GOLGA2: variants seen among roughly 807,000 people sequenced by gnomAD.
GOLGA2 encodes the protein golgin subfamily A member 2.
Under a neutral mutation model 148.8 loss-of-function variants are expected in GOLGA2, and 49 were observed. The ratio of observed to expected loss-of-function variants is 0.33; its 90% CI spans 0.26 to 0.42. The LOEUF is 0.42. Ranked by LOEUF, GOLGA2 falls within the 10% of genes least tolerant of loss-of-function variation. The pLI, the probability that GOLGA2 is intolerant of heterozygous loss-of-function variation, is 1.00. For synonymous variants in GOLGA2, 501 were observed against 511.8 expected (o/e 0.98, Z 0.28); for missense variants, 1,178 against 1,304.6 (o/e 0.90, Z 1.49).
In GOLGA2 at chr9:128,261,802, C is replaced by T. The variant is rs530977802; in HGVS notation, c.1135-45G>A. On this transcript the variant is annotated intron_variant, in intron 14 of 26. Transcript: ENST00000611957. The surrounding 1 kb of genome is among the most constrained non-coding windows in gnomAD (Gnocchi z 5.7). The stretch of plus-strand genomic sequence containing the variant: ...AAGTTTAGATCTGGGGAGCCCAGGC[C>T]GTTCCAAATAGTGCCCCTTAAAAGG... The T allele has an allele frequency of 1.1e-5, 15 of 1,317,328 alleles. No individual in the cohort carries two copies. The highest frequency in any genetic ancestry group is 1.4e-5 in the Non-Finnish European group (13 of 909,296). 81.6% of individuals were successfully genotyped at this position (1,317,328 alleles called of 1,614,324 possible). A position where few individuals can be genotyped will look rare whatever the true frequency, so the allele number is the denominator to read the frequency against.
In GOLGA2 at chr9:128,261,090, C is replaced by G; in HGVS notation, c.1420+82G>C. The G allele has an allele frequency of 1.1e-6, 1 of 952,116 alleles. No homozygotes were observed. The highest frequency in any genetic ancestry group is 1.7e-6 in the Non-Finnish European group (1 of 579,366). The allele number at this position is 952,116 out of a possible 1,614,324, so 59.0% of individuals were successfully genotyped here. ...TCTGCCTCAAAGCCATTCCATCCAC[C>G]CAACTCCCTGGGGCATTCTAAACCA... On this transcript the variant is annotated intron_variant, in intron 17 of 26. Transcript: ENST00000611957. This position sits in a 1 kb window ranked among gnomAD's most constrained non-coding sequence, Gnocchi z 5.7.
rs964172615 is a variant in GOLGA2 at position 128,257,187 on chromosome 9, G to A, written c.2970C>T (p.Ile990=). 2 of 1,613,840 alleles carry A rather than the reference G, an allele frequency of 1.2e-6. No homozygotes were observed. The highest frequency in any genetic ancestry group is 1.7e-6 in the Non-Finnish European group (2 of 1,179,744). Reference sequence around the variant, plus strand: ...TCTGCATCTCACGAAGCAGCTGCATGATCTGCTGTGCAGTGGGGTTGTCAC... The same window carrying A: ...TCTGCATCTCACGAAGCAGCTGCATAATCTGCTGTGCAGTGGGGTTGTCAC... ...SPRDNPTAQQ[I]MQLLREMQNP... The change falls in exon 27 of 27, where the codon ATC becomes ATT. Residue 990 remains isoleucine, a synonymous_variant. Coordinates refer to ENST00000611957, the MANE Select transcript of GOLGA2 (RefSeq NM_001366244.2). The surrounding 1 kb of genome is among the most constrained non-coding windows in gnomAD (Gnocchi z 8.0).
At chr9:128,263,144 G>T in intron 12 of GOLGA2, 52 bp from the exon 13 acceptor site, 1 of 1,123,986 alleles carries the variant, frequency 8.9e-7, no homozygotes, top group Non-Finnish European at 1.4e-6. Context: ...GGAGCAGCTG[G>T]CCAACCAGTA....
Position 128,258,804 on chromosome 9 carries a change from G to T in GOLGA2, c.2173+203C>A. On this transcript the variant is annotated intron_variant, in intron 21 of 26. Transcript: ENST00000611957. The surrounding 1 kb of genome is among the most constrained non-coding windows in gnomAD (Gnocchi z 6.6). ...TCTGACCTGCTTCATTTCTGACCTGGGCCAGTTCACCCATCCTTAGGTAAG... is the reference window on the plus strand; with the variant it reads ...TCTGACCTGCTTCATTTCTGACCTGTGCCAGTTCACCCATCCTTAGGTAAG... 1.6e-6 allele frequency: 1 copy of T among 619,994 alleles called. No homozygotes were observed. The highest frequency in any genetic ancestry group is 2.8e-6 in the Non-Finnish European group (1 of 352,072). 38.4% of individuals were successfully genotyped at this position (619,994 alleles called of 1,614,324 possible).
chr9:128,262,495 G>C, intron 14 of GOLGA2, 68 bp downstream of exon 14: 2 of 1,483,126 alleles, frequency 1.3e-6, no homozygotes, highest in Non-Finnish European at 1.8e-6. Flanking sequence ...CCCATGCCCT[G>C]CATGATCCCT....
intron 8 of GOLGA2, 40 bp downstream of exon 8, chr9:128,267,154 A>G (rs1389771974): frequency 7.9e-7 from 1 of 1,264,264 alleles, no homozygotes; most frequent in African/African-American, 1.5e-5. Context: ...GGAGCCCAGG[A>G]TTAGCAGCAT....
At chr9:128,263,161 G>A in intron 12 of GOLGA2, 69 bp from the exon 13 acceptor site, 1 of 867,920 alleles carries the variant, frequency 1.2e-6, no homozygotes, top group Non-Finnish European at 2.0e-6. Flanking sequence ...AGTAACAACA[G>A]CTACAGTAAG....
In GOLGA2 at chr9:128,273,819, G is replaced by C. The variant is rs200745184; in HGVS notation, c.207+31C>G. ...CCCTCTACTGCCCCTTGGGCCCCCT[G>C]TCCCCAGGAGCCTGGCCATCCAAGA... On this transcript the variant is annotated intron_variant, in intron 2 of 26. Coordinates refer to ENST00000611957, the MANE Select transcript of GOLGA2 (RefSeq NM_001366244.2). 2.7e-3 allele frequency: 4,408 copies of C among 1,611,788 alleles called. 10 individuals are homozygous for C. Among genetic ancestry groups the C allele is most frequent in the Non-Finnish European group, 3.4e-3 (3,948 of 1,178,308 alleles).
intron 19 of GOLGA2, 67 bp from the exon 20 acceptor site, chr9:128,259,458 G>A: frequency 2.0e-6 from 2 of 1,005,306 alleles, no homozygotes; most frequent in Non-Finnish European, 3.0e-6. Flanking sequence ...CCATAAATAG[G>A]GTAGCGAGGG....
intron 3 of GOLGA2, among the ~76,000 whole-genome samples, chr9:128,272,080 G>C (rs1410845369): frequency 6.8e-6 from 1 of 146,736 alleles, no homozygotes; most frequent in Non-Finnish European, 1.5e-5. Context: ...GTGGTTTACT[G>C]ATCTTTGCCT....
At chr9:128,268,334 C>G in intron 4 of GOLGA2, 86 bp downstream of exon 4, 1 of 1,045,292 alleles carries the variant, frequency 9.6e-7, no homozygotes, top group Admixed American at 1.7e-5. Context: ...GGCCCTTGAC[C>G]CTAGGGAACA....
In GOLGA2 at chr9:128,257,181, C is replaced by T. The variant is rs1829922596; in HGVS notation, c.2976G>A (p.Gln992=). The T allele has an allele frequency of 6.2e-7, 1 of 1,613,902 alleles. No homozygotes were observed. The highest frequency in any genetic ancestry group is 8.5e-7 in the Non-Finnish European group (1 of 1,179,796). ...GGGGGTTCTGCATCTCACGAAGCAG[C>T]TGCATGATCTGCTGTGCAGTGGGGT... is the stretch of plus-strand genomic sequence containing the variant. The part of the protein sequence containing the change: ...RDNPTAQQIM[Q]LLREMQNPRE... Residue 992 remains glutamine (Q), a synonymous_variant, in exon 27 of 27, where the codon CAG becomes CAA. Coordinates refer to ENST00000611957, the MANE Select transcript of GOLGA2 (RefSeq NM_001366244.2). The surrounding 1 kb of genome is among the most constrained non-coding windows in gnomAD (Gnocchi z 8.0).
chr9:128,267,939 A>G lies in GOLGA2; in HGVS notation c.496T>C (p.Cys166Arg), dbSNP rs2131371773. 1.9e-6 allele frequency: 3 copies of G among 1,612,092 alleles called. No individual in the cohort carries two copies. The highest frequency in any genetic ancestry group is 2.5e-6 in the Non-Finnish European group (3 of 1,178,358). Residue 166 changes from cysteine (C) to arginine (R), a missense_variant, in exon 6 of 27, where the codon TGT (cysteine) becomes CGT (arginine). By Grantham distance (180) the Cys-to-Arg change is radical. Around this residue, in one of 5 missense-constraint regions of GOLGA2, gnomAD observed 304 missense variants for 404.1 expected, o/e 0.75. Transcript: ENST00000611957. ...QLSQQLNGLVCESATCVNGEG... is the reference protein window; with the variant it reads ...QLSQQLNGLVRESATCVNGEG... ...GGCCTCAGTTCCTGAGGTACCTCAC[A>G]AACAAGACCATTGAGCTGTTGGGAG...
At position 128,256,220 on chromosome 9, in the gene GOLGA2, C is replaced by T. The variant is rs1829851997; in HGVS notation, c.*847G>A. ...TGGTGAGAGTAAGGAGGCCATGAGGCCTCTTCCAAAGAGGCCAATTATATG... is the reference window on the plus strand; with the variant it reads ...TGGTGAGAGTAAGGAGGCCATGAGGTCTCTTCCAAAGAGGCCAATTATATG... On this transcript the variant is annotated 3_prime_UTR_variant, in exon 27 of 27. Coordinates refer to ENST00000611957, the MANE Select transcript of GOLGA2 (RefSeq NM_001366244.2). The T allele has an allele frequency of 6.6e-6, 1 of 152,388 alleles. No individual in the cohort carries two copies. Among genetic ancestry groups the T allele is most frequent in the Non-Finnish European group, 1.5e-5 (1 of 68,044 alleles). The allele number at this position is 152,388 out of a possible 1,614,324, so 9.4% of individuals were successfully genotyped here.
rs759144089 is a variant in GOLGA2, at chr9:128,260,748, A to G, written c.1475T>C (p.Leu492Pro). ...PAGPSEVEQQ[L>P]QAEAEHLRKE... ...CCGCAGGTGCTCAGCCTCCGCTTGT[A>G]GCTGCTGCTCCACCTCGGAGGGCCC... The change falls in exon 18 of 27, where the codon CTA (leucine) becomes CCA (proline). Residue 492 changes from leucine (L) to proline (P), a missense_variant. Physicochemically the swap from Leu to Pro is moderately conservative, Grantham distance 98. Transcript: ENST00000611957. The surrounding 1 kb of genome is among the most constrained non-coding windows in gnomAD (Gnocchi z 4.8). 8 of 1,612,940 alleles carry G rather than the reference A, an allele frequency of 5.0e-6. No individual in the cohort carries two copies. In the East Asian group the frequency reaches 1.8e-4, roughly 36 times the overall value.
intron 12 of GOLGA2, 77 bp downstream of exon 12, chr9:128,265,508 G>A: frequency 9.3e-7 from 1 of 1,078,612 alleles, no homozygotes; most frequent in Middle Eastern, 2.0e-4. Flanking sequence ...AGTCAACCCT[G>A]CAGAAGGGAC....
rs760779067 is a variant in GOLGA2 at position 128,267,896 on chromosome 9, TC to T, written c.501+37del. The T allele has an allele frequency of 1.7e-5, 26 of 1,488,436 alleles. No individual in the cohort carries two copies. In the East Asian group the frequency reaches 2.3e-4, roughly 13 times the overall value. The allele number at this position is 1,488,436 out of a possible 1,614,324, so 92.2% of individuals were successfully genotyped here. A position where few individuals can be genotyped will look rare whatever the true frequency, so the allele number is the denominator to read the frequency against. On this transcript the variant is annotated intron_variant, in intron 6 of 26. Transcript: ENST00000611957. Reference sequence around the variant, plus strand: ...GCTTCAGTTTCTATCATAGTTCCCTTCCCCCCACCCCGCTCTCGGCCTCAGT... The same window carrying T: ...GCTTCAGTTTCTATCATAGTTCCCTTCCCCCACCCCGCTCTCGGCCTCAGT...
In GOLGA2 at chr9:128,259,393, T is replaced by C; in HGVS notation, c.1873-2A>G. ...AGCCTCTTGGCTCTTCAGCTCCACCTGTAGGAAGACCCTGGGCGTGAGGGC... is the reference window on the plus strand; with the variant it reads ...AGCCTCTTGGCTCTTCAGCTCCACCCGTAGGAAGACCCTGGGCGTGAGGGC... On this transcript the variant is annotated splice_acceptor_variant, in intron 19 of 26. Transcript: ENST00000611957. LOFTEE classifies it high-confidence loss of function. The C allele has an allele frequency of 1.3e-6, 2 of 1,568,198 alleles. No homozygotes were observed. The highest frequency in any genetic ancestry group is 1.7e-6 in the Non-Finnish European group (2 of 1,154,434).
Position 128,259,164 on chromosome 9 carries a change from C to T in GOLGA2, c.2097+3G>A. 1.2e-6 allele frequency: 2 copies of T among 1,604,310 alleles called. No homozygotes were observed. The highest frequency in any genetic ancestry group is 2.2e-5 in the East Asian group (1 of 44,852). ...GGGGCCCTGCCCTCACCAACTCCCT[C>T]ACCTGGGTTTCCTGCAACTCTTGGC... On this transcript the variant is annotated splice_donor_region_variant and intron_variant, in intron 20 of 26. Transcript: ENST00000611957.
Sources: allele counts gnomAD v4.1 joint callset (sites outside exome capture counted in the v4.1 genomes callset), GRCh38; gene constraint gnomAD v4.1.1; regional missense constraint gnomAD v4.1.1; non-coding constraint Gnocchi (gnomAD v3.1); transcripts MANE v1.5; gene names NCBI Gene and HGNC (gene_info 2026-07-23, HGNC 2026-07-21).